Variants in KLF8 observed in about 807,000 individuals in gnomAD.
KLF8 encodes the protein KLF transcription factor 8, also known as Krueppel-like factor 8.
KLF8 carries 10 observed loss-of-function variants against 18.2 expected under a neutral mutation model. The ratio of observed to expected loss-of-function variants is 0.55; its 90% CI spans 0.34 to 0.93. The LOEUF is 0.93. KLF8 is among the 40% of genes least tolerant of loss of function. The pLI, the probability that KLF8 is intolerant of heterozygous loss-of-function variation, is 0.02. For missense variants in KLF8, 264 were observed against 277.9 expected (o/e 0.95, Z 0.36); for synonymous variants, 109 against 97.3 (o/e 1.12, Z -0.71).
chrX:56,061,881 C>G, the KLF8 span, among the ~76,000 whole-genome samples: 1 of 109,809 alleles, frequency 9.1e-6, no homozygotes, highest in African/African-American at 3.4e-5. Context: ...ATAGTTACCT[C>G]TTCTTGTTGC....
chrX:56,178,221 T>A, the KLF8 span, among the ~76,000 whole-genome samples: 2 of 112,737 alleles, frequency 1.8e-5, no homozygotes, highest in Admixed American at 9.4e-5. Flanking sequence ...GATTTGCATT[T>A]CTCTGATGGC....
upstream of KLF8, among the ~76,000 whole-genome samples, chrX:56,228,071 A>G (rs949925868): frequency 1.8e-5 from 2 of 112,109 alleles, no homozygotes; most frequent in Non-Finnish European, 3.8e-5. Context: ...TTCCTAAACC[A>G]AATTTAATCA....
the KLF8 span, among the ~76,000 whole-genome samples, chrX:56,087,153 G>A: frequency 3.6e-5 from 4 of 111,383 alleles, no homozygotes; most frequent in African/African-American, 6.5e-5. Flanking sequence ...GATTAGGGAA[G>A]TTTGGCTGTA....
the KLF8 span, among the ~76,000 whole-genome samples, chrX:55,939,519 C>T: frequency 9.0e-6 from 1 of 111,576 alleles, no homozygotes. Context: ...CAAGAAATAA[C>T]TAAGATCACA....
the KLF8 span, among the ~76,000 whole-genome samples, chrX:56,051,961 C>T: frequency 1.8e-5 from 2 of 110,238 alleles, no homozygotes; most frequent in Admixed American, 9.6e-5. Context: ...GGAGGCTTTG[C>T]TCATTTATTT....
chrX:56,085,774 T>A, the KLF8 span, among the ~76,000 whole-genome samples: 4 of 112,305 alleles, frequency 3.6e-5, 1 homozygote, highest in Admixed American at 3.8e-4. Flanking sequence ...ACTTTATTAC[T>A]TGGAAAGTAA....
the KLF8 span, among the ~76,000 whole-genome samples, chrX:56,158,966 G>A: frequency 7.2e-5 from 8 of 111,688 alleles, no homozygotes; most frequent in Non-Finnish European, 1.5e-4. Context: ...TCTTGTGCCA[G>A]TTTTCAAAGG....
the KLF8 span, among the ~76,000 whole-genome samples, chrX:56,063,276 C>T: frequency 9.0e-6 from 1 of 111,267 alleles, no homozygotes; most frequent in Admixed American, 9.6e-5. Context: ...AGCCTTTTTG[C>T]ACTGGTTTTT....
At chrX:55,956,188 CTATG>C in the KLF8 span, among the ~76,000 whole-genome samples, 5,967 of 106,460 alleles carry the variant, frequency 0.056, 447 homozygotes, top group African/African-American at 0.2. Context: ...ATCTATCTAT[CTATG>C]TATCTATCTA....
chrX:55,952,169 C>T, the KLF8 span, among the ~76,000 whole-genome samples: 1 of 112,079 alleles, frequency 8.9e-6, no homozygotes, highest in African/African-American at 3.2e-5. Flanking sequence ...GTGTAATGGA[C>T]AATTTTTACA....
At chrX:56,174,684 C>T in the KLF8 span, among the ~76,000 whole-genome samples, 1 of 111,742 alleles carries the variant, frequency 8.9e-6, no homozygotes, top group African/African-American at 3.3e-5. Context: ...ACTGCTCCTC[C>T]TTGTACCTGT....
At chrX:56,148,015 A>C in the KLF8 span, among the ~76,000 whole-genome samples, 1 of 112,059 alleles carries the variant, frequency 8.9e-6, no homozygotes, top group African/African-American at 3.2e-5. Context: ...ATGGTTGCAC[A>C]ACATTTTGGA....
chrX:55,993,525 C>T, the KLF8 span, among the ~76,000 whole-genome samples: 9 of 111,773 alleles, frequency 8.1e-5, no homozygotes, highest in Admixed American at 6.6e-4. Context: ...TGAAAATTTT[C>T]GCATGTATGT....
At chrX:56,080,784 G>A in the KLF8 span, among the ~76,000 whole-genome samples, 7 of 111,565 alleles carry the variant, frequency 6.3e-5, no homozygotes, top group African/African-American at 1.6e-4. Context: ...TTTCAGGTAT[G>A]CCAGTCAGAC....
chrX:55,934,958 CTT>C, the KLF8 span, among the ~76,000 whole-genome samples: 1 of 111,346 alleles, frequency 9.0e-6, no homozygotes, highest in African/African-American at 3.3e-5. Flanking sequence ...GGCCAAATAA[CTT>C]TATAGTTGAA....
chrX:56,129,677 C>G, the KLF8 span, among the ~76,000 whole-genome samples: 2 of 111,396 alleles, frequency 1.8e-5, no homozygotes, highest in Non-Finnish European at 3.8e-5. Flanking sequence ...CCGGCCAAAA[C>G]TCGAGGGAGG....
chrX:56,067,411 T>TGG, the KLF8 span, among the ~76,000 whole-genome samples: 1 of 110,020 alleles, frequency 9.1e-6, no homozygotes, highest in Non-Finnish European at 1.9e-5. Context: ...TCTGAGTAAT[T>TGG]GGGTCATTTT....
the KLF8 span, among the ~76,000 whole-genome samples, chrX:55,933,954 A>G: frequency 1.8e-5 from 2 of 112,264 alleles, no homozygotes; most frequent in Non-Finnish European, 3.8e-5. Context: ...TGGATAGGTC[A>G]TAGCTTTTAT....
chrX:56,271,197 G>A (rs761994187), intron 5 of KLF8, among the ~76,000 whole-genome samples: 1 of 110,836 alleles, frequency 9.0e-6, no homozygotes, highest in Non-Finnish European at 1.9e-5. Context: ...TTATCCACCC[G>A]ATGGGTGGGG....
Sources: allele counts gnomAD v4.1 joint callset (sites outside exome capture counted in the v4.1 genomes callset), GRCh38; gene constraint gnomAD v4.1.1; transcripts MANE v1.5; gene names NCBI Gene and HGNC (gene_info 2026-07-23, HGNC 2026-07-21).